The following PCDHB16 variants were observed in gnomAD, a reference collection of about 807,000 sequenced individuals.
PCDHB16 encodes protocadherin beta 16, also known as protocadherin beta-16.
For missense variants in PCDHB16, 1,026 were observed against 989.9 expected, an observed-to-expected ratio of 1.04 and a Z score of -0.49; for synonymous variants, 444 against 436.5, an observed-to-expected ratio of 1.02 and a Z score of -0.21.
At position 141,183,711 on chromosome 5, in the gene PCDHB16, C is replaced by T. The variant is rs782028149; in HGVS notation, c.1152C>T (p.Ser384=). The T allele has an allele frequency of 1.9e-6, 3 of 1,614,202 alleles. No individual in the cohort carries two copies. The highest frequency in any genetic ancestry group is 1.1e-5 in the South Asian group (1 of 91,086). ...DSGNNGKTIS[S]IQEDLPFLLK... ...GAAACAATGGGAAGACGATTTCCTC[C>T]ATCCAGGAAGACCTTCCCTTTCTTC... The change falls in exon 1 of 1, where the codon TCC becomes TCT. Residue 384 remains serine (S), a synonymous_variant. Transcript: ENST00000609684.
Position 141,182,530 on chromosome 5 carries a change from T to G in PCDHB16, c.-30T>G. The G allele has an allele frequency of 6.6e-7, 1 of 1,506,744 alleles. No homozygotes were observed. The highest frequency in any genetic ancestry group is 8.9e-7 in the Non-Finnish European group (1 of 1,127,734). 93.3% of individuals were successfully genotyped at this position (1,506,744 alleles called of 1,614,324 possible). ...CTAGGATCCTGGGGATACATGAAGCTTCTGTGAACCAACTTTTCAAGAAAA... is the reference window on the plus strand; with the variant it reads ...CTAGGATCCTGGGGATACATGAAGCGTCTGTGAACCAACTTTTCAAGAAAA... On this transcript the variant is annotated 5_prime_UTR_variant, in exon 1 of 1. Transcript: ENST00000609684.
rs1554282092 is a variant in PCDHB16 at position 141,183,170 on chromosome 5, A to G, written c.611A>G (p.Glu204Gly). 7.4e-6 allele frequency: 12 copies of G among 1,614,158 alleles called. No individual in the cohort carries two copies. Among genetic ancestry groups the G allele is most frequent in the Non-Finnish European group, 1.0e-5 (12 of 1,180,014 alleles). The part of the protein sequence containing the change: ...LVLDKELDRE[E>G]EPQLRLTLTA... ...TTGGATAAAGAGCTGGATCGGGAGG[A>G]GGAGCCTCAACTAAGATTAACCCTG... The change falls in exon 1 of 1, where the codon GAG becomes GGG. Residue 204 changes from glutamate (E) to glycine (G), a missense_variant. Transcript: ENST00000609684.
rs1554282398 is a variant in PCDHB16 at position 141,184,503 on chromosome 5, C to G, written c.1944C>G (p.Gly648=). The change falls in exon 1 of 1, where the codon GGC becomes GGG. Residue 648 remains glycine, a synonymous_variant. Coordinates refer to ENST00000609684, the MANE Select transcript of PCDHB16 (RefSeq NM_020957.4). ...TGGTGGTGCTGGTCAAGGACAATGG[C>G]GAGCCTCCGCGCTCGGCCACCGCCA... ...QRLVVLVKDN[G]EPPRSATATL... is the part of the protein sequence containing the mutation. 2 of 1,608,916 alleles carry G rather than the reference C, an allele frequency of 1.2e-6. No homozygotes were observed. Among genetic ancestry groups the G allele is most frequent in the Non-Finnish European group, 1.7e-6 (2 of 1,179,582 alleles).
At position 141,182,732 on chromosome 5, in the gene PCDHB16, A is replaced by G. The variant is rs1300866221; in HGVS notation, c.173A>G (p.Glu58Gly). The G allele has an allele frequency of 2.5e-6, 4 of 1,611,700 alleles. No individual in the cohort carries two copies. The highest frequency in any genetic ancestry group is 3.4e-6 in the Non-Finnish European group (4 of 1,178,418). Residue 58 changes from glutamate to glycine, a missense_variant, in exon 1 of 1, where the codon GAG becomes GGG. By Grantham distance (98) the Glu-to-Gly change is moderately conservative. Coordinates refer to ENST00000609684, the MANE Select transcript of PCDHB16 (RefSeq NM_020957.4). ...LGKDLGLGLT[E>G]MSTRKARIIS... ...AAAGACCTGGGGTTGGGGTTGACAG[A>G]GATGTCCACCCGCAAGGCCAGGATC...
Position 141,183,478 on chromosome 5 carries a change from G to A in PCDHB16, c.919G>A (p.Val307Ile), listed in dbSNP as rs781858535. ...MTGEVRLRKQ[V>I]DFEMVTSYEV... ...AGGGGAAGTTCGACTGAGAAAGCAA[G>A]TAGATTTCGAAATGGTTACGTCTTA... Residue 307 changes from valine (V) to isoleucine (I), a missense_variant, in exon 1 of 1, where the codon GTA becomes ATA. By Grantham distance (29) the Val-to-Ile change is conservative. Transcript: ENST00000609684. 3 of 1,614,214 alleles carry A rather than the reference G, an allele frequency of 1.9e-6. No homozygotes were observed. The South Asian group carries it at 3.3e-5, about 18-fold the overall frequency.
rs918698339 is a variant in PCDHB16, at chr5:141,185,414, T to C, written c.*524T>C. ...CTTTCTTTTCTTTTCTTTCTTTTTT[T>C]TTTTTTCCTTTTTGAGACAGGGTCT... On this transcript the variant is annotated 3_prime_UTR_variant, in exon 1 of 1. Transcript: ENST00000609684. 1.3e-5 allele frequency: 10 copies of C among 764,238 alleles called. No individual in the cohort carries two copies. The African/African-American group carries it at 1.3e-4, about 10-fold the overall frequency. 47.3% of individuals were successfully genotyped at this position (764,238 alleles called of 1,614,324 possible). A position where few individuals can be genotyped will look rare whatever the true frequency, so the allele number is the denominator to read the frequency against.
In PCDHB16 at chr5:141,184,895, C is replaced by T. The variant is rs1391935393; in HGVS notation, c.*5C>T. The T allele has an allele frequency of 6.2e-7, 1 of 1,612,996 alleles. No individual in the cohort carries two copies. Among genetic ancestry groups the T allele is most frequent in the African/African-American group, 1.3e-5 (1 of 74,864 alleles). On this transcript the variant is annotated 3_prime_UTR_variant, in exon 1 of 1. Coordinates refer to ENST00000609684, the MANE Select transcript of PCDHB16 (RefSeq NM_020957.4). ...ATCCCCAACTTCTCTCCTTAGGGCA[C>T]TAGGAAAGAAATAGATTAAAATTCC... is the stretch of plus-strand genomic sequence containing the variant.
In PCDHB16 at chr5:141,185,256, C is replaced by G. The variant is rs533357756; in HGVS notation, c.*366C>G. The G allele has an allele frequency of 2.0e-6, 2 of 984,906 alleles. No individual in the cohort carries two copies. The highest frequency in any genetic ancestry group is 1.2e-6 in the Non-Finnish European group (1 of 806,100). The allele number at this position is 984,906 out of a possible 1,614,324, so 61.0% of individuals were successfully genotyped here. ...GTTACTTCTCAGTTTCCTAGAACTT[C>G]AAGTATTAAAATAACCTGTTGCATG... On this transcript the variant is annotated 3_prime_UTR_variant, in exon 1 of 1. Transcript: ENST00000609684.
Position 141,182,694 on chromosome 5 carries a change from G to T in PCDHB16, c.135G>T (p.Val45=), listed in dbSNP as rs1220418678. 2 of 1,610,154 alleles carry T rather than the reference G, an allele frequency of 1.2e-6. No individual in the cohort carries two copies. The highest frequency in any genetic ancestry group is 2.7e-5 in the African/African-American group (2 of 74,676). ...AAGAAACGGAGAGAGGCTCTTTTGT[G>T]GCAAATCTAGGAAAAGACCTGGGGT... ...VVEETERGSF[V]ANLGKDLGLG... is the part of the protein sequence containing the mutation. The change falls in exon 1 of 1, where the codon GTG becomes GTT. Residue 45 remains valine, a synonymous_variant. Transcript: ENST00000609684.
Position 141,183,818 on chromosome 5 carries a change from C to T in PCDHB16, c.1259C>T (p.Thr420Ile), listed in dbSNP as rs782095322. The T allele has an allele frequency of 3.7e-6, 6 of 1,614,210 alleles. No individual in the cohort carries two copies. The South Asian group carries it at 5.5e-5, about 15-fold the overall frequency. The change falls in exon 1 of 1, where the codon ACC (threonine) becomes ATC (isoleucine). Residue 420 changes from threonine (T) to isoleucine (I), a missense_variant. Coordinates refer to ENST00000609684, the MANE Select transcript of PCDHB16 (RefSeq NM_020957.4). ...DREARAEYNITLTVTDMGTPR... is the reference protein window; with the variant it reads ...DREARAEYNIILTVTDMGTPR... ...GAAGCAAGAGCTGAATATAATATCACCCTCACCGTCACAGATATGGGGACT... is the reference window on the plus strand; with the variant it reads ...GAAGCAAGAGCTGAATATAATATCATCCTCACCGTCACAGATATGGGGACT...
In PCDHB16 at chr5:141,184,737, G is replaced by T. The variant is rs1554282461; in HGVS notation, c.2178G>T (p.Ser726=). The T allele has an allele frequency of 1.2e-6, 2 of 1,613,986 alleles. No homozygotes were observed. Among genetic ancestry groups the T allele is most frequent in the Non-Finnish European group, 8.5e-7 (1 of 1,180,002 alleles). The part of the protein sequence containing the change: ...RSRAASVGRC[S]MPEGPFPGRL... Reference sequence around the variant, plus strand: ...GGGCGGCCTCGGTGGGCCGCTGCTCGATGCCTGAGGGCCCCTTTCCAGGGC... The same window carrying T: ...GGGCGGCCTCGGTGGGCCGCTGCTCTATGCCTGAGGGCCCCTTTCCAGGGC... Residue 726 remains serine (S), a synonymous_variant, in exon 1 of 1, where the codon TCG becomes TCT. Transcript: ENST00000609684.
chr5:141,182,431 A>T lies in PCDHB16; in HGVS notation c.-129A>T. The stretch of plus-strand genomic sequence containing the variant: ...CAGAAGAATAGCTGAGCCAGAGCGA[A>T]CGTGAGTGTGAAACCTCTTTAAGAC... On this transcript the variant is annotated 5_prime_UTR_variant, in exon 1 of 1. Transcript: ENST00000609684. The T allele has an allele frequency of 1.4e-6, 1 of 729,940 alleles. No individual in the cohort carries two copies. 45.2% of individuals were successfully genotyped at this position (729,940 alleles called of 1,614,324 possible). A position where few individuals can be genotyped will look rare whatever the true frequency, so the allele number is the denominator to read the frequency against.
rs781794268 is a variant in PCDHB16 at position 141,184,332 on chromosome 5, G to C, written c.1773G>C (p.Ala591=). ...GCTACCTGGTGACCAAGGTGGTGGCGGTGGACGGCGACTCGGGCCAGAATG... is the reference window on the plus strand; with the variant it reads ...GCTACCTGGTGACCAAGGTGGTGGCCGTGGACGGCGACTCGGGCCAGAATG... ...EPGYLVTKVV[A]VDGDSGQNAW... is the part of the protein sequence containing the mutation. Residue 591 remains alanine, a synonymous_variant, in exon 1 of 1, where the codon GCG becomes GCC. Transcript: ENST00000609684. 7.5e-6 allele frequency: 12 copies of C among 1,600,028 alleles called. 1 individual carries two copies. Among genetic ancestry groups the C allele is most frequent in the South Asian group, 6.6e-5 (6 of 90,492 alleles).
At position 141,185,706 on chromosome 5, in the gene PCDHB16, G is replaced by T; in HGVS notation, c.*816G>T. ...GCATAAGCCAATGTGCCCATCCAAA[G>T]TTTTATTTATTTATTTTTTTGAGAT... On this transcript the variant is annotated 3_prime_UTR_variant, in exon 1 of 1. Coordinates refer to ENST00000609684, the MANE Select transcript of PCDHB16 (RefSeq NM_020957.4). 1.0e-6 allele frequency: 1 copy of T among 997,090 alleles called. No homozygotes were observed. Among genetic ancestry groups the T allele is most frequent in the Non-Finnish European group, 1.2e-6 (1 of 827,464 alleles). The allele number at this position is 997,090 out of a possible 1,614,324, so 61.8% of individuals were successfully genotyped here.
In PCDHB16 at chr5:141,184,838, A is replaced by G. The variant is rs1753682526; in HGVS notation, c.2279A>G (p.Glu760Gly). The G allele has an allele frequency of 4.3e-6, 7 of 1,614,198 alleles. No individual in the cohort carries two copies. The highest frequency in any genetic ancestry group is 5.9e-6 in the Non-Finnish European group (7 of 1,180,032). Residue 760 changes from glutamate to glycine, a missense_variant, in exon 1 of 1, where the codon GAA becomes GGA. Physicochemically the swap from Glu to Gly is moderately conservative, Grantham distance 98. Coordinates refer to ENST00000609684, the MANE Select transcript of PCDHB16 (RefSeq NM_020957.4). ...QYEVCLTGGS[E>G]TSEFKFLKPI... ...GAGGTGTGTCTGACAGGAGGCTCAG[A>G]AACAAGTGAGTTCAAGTTCCTGAAG...
chr5:141,182,456 C>A lies in PCDHB16; in HGVS notation c.-104C>A. 1.0e-6 allele frequency: 1 copy of A among 984,422 alleles called. No homozygotes were observed. The highest frequency in any genetic ancestry group is 1.5e-6 in the Non-Finnish European group (1 of 689,074). 61.0% of individuals were successfully genotyped at this position (984,422 alleles called of 1,614,324 possible). A position where few individuals can be genotyped will look rare whatever the true frequency, so the allele number is the denominator to read the frequency against. Reference sequence around the variant, plus strand: ...ACGTGAGTGTGAAACCTCTTTAAGACACCGTTGGGCTGCTTGGTTCTGACA... The same window carrying A: ...ACGTGAGTGTGAAACCTCTTTAAGAAACCGTTGGGCTGCTTGGTTCTGACA... On this transcript the variant is annotated 5_prime_UTR_variant, in exon 1 of 1. Coordinates refer to ENST00000609684, the MANE Select transcript of PCDHB16 (RefSeq NM_020957.4).
In PCDHB16 at chr5:141,183,134, C is replaced by A. The variant is rs782042641; in HGVS notation, c.575C>A (p.Pro192His). ...IHEFRDGRKY[P>H]ELVLDKELDR... ...GAATTCAGAGATGGCAGGAAATACC[C>A]TGAGCTAGTGTTGGATAAAGAGCTG... The change falls in exon 1 of 1, where the codon CCT (proline) becomes CAT (histidine). Residue 192 changes from proline (P) to histidine (H), a missense_variant. Pro to His is a moderately conservative substitution (Grantham distance 77). Coordinates refer to ENST00000609684, the MANE Select transcript of PCDHB16 (RefSeq NM_020957.4). 5.6e-6 allele frequency: 9 copies of A among 1,614,170 alleles called. No homozygotes were observed. Among genetic ancestry groups the A allele is most frequent in the Admixed American group, 1.7e-5 (1 of 60,026 alleles).
chr5:141,183,402 C>G lies in PCDHB16; in HGVS notation c.843C>G (p.Leu281=). ...CCAATGGAAAAATATCATACACACT[C>G]TTTCAGCCTTCGGAGGATATTAGTA... The part of the protein sequence containing the change: ...GGANGKISYT[L]FQPSEDISKT... Residue 281 remains leucine (L), a synonymous_variant, in exon 1 of 1, where the codon CTC becomes CTG. Coordinates refer to ENST00000609684, the MANE Select transcript of PCDHB16 (RefSeq NM_020957.4). The G allele has an allele frequency of 6.2e-7, 1 of 1,614,188 alleles. No homozygotes were observed.
Position 141,184,649 on chromosome 5 carries a change from T to A in PCDHB16, c.2090T>A (p.Val697Glu), listed in dbSNP as rs1393774561. The A allele has an allele frequency of 1.9e-6, 3 of 1,612,442 alleles. No individual in the cohort carries two copies. Among genetic ancestry groups the A allele is most frequent in the African/African-American group, 1.3e-5 (1 of 75,016 alleles). The change falls in exon 1 of 1, where the codon GTG becomes GAG. Residue 697 changes from valine (V) to glutamate (E), a missense_variant. Transcript: ENST00000609684. ...TACCTGGTGGTGGCGTTGGCCTCGG[T>A]GTCGTCGCTCTTCCTCTTTTCGGTG... is the stretch of plus-strand genomic sequence containing the variant. ...TVYLVVALASVSSLFLFSVLL... is the reference protein window; with the variant it reads ...TVYLVVALASESSLFLFSVLL...
Sources: gnomAD v4.1 joint callset for allele counts on GRCh38, gnomAD v4.1.1 for gene constraint, MANE v1.5 for transcripts, NCBI Gene and HGNC (gene_info 2026-07-23, HGNC 2026-07-21) for gene names.